The following ACAP2 variants were observed in gnomAD, a reference collection of about 807,000 sequenced individuals.
ACAP2 encodes arf-GAP with coiled-coil, ANK repeat and PH domain-containing protein 2.
ACAP2 carries 39 observed loss-of-function variants against 115.8 expected under a neutral mutation model. The ratio of observed to expected loss-of-function variants is 0.34; its 90% CI spans 0.26 to 0.44. The LOEUF is 0.44. ACAP2 is among the 20% of genes least tolerant of loss of function. ACAP2 has a pLI of 1.00. For synonymous variants in ACAP2, 289 were observed against 315.8 expected (o/e 0.92, Z 0.90); for missense variants, 662 against 927.6 (o/e 0.71, Z 3.72).
At chr3:195,411,823 T>G (rs1351751270) in intron 1 of ACAP2, among the ~76,000 whole-genome samples, 7 of 151,358 alleles carry the variant, frequency 4.6e-5, no homozygotes, top group Non-Finnish European at 7.4e-5. Flanking sequence ...GGCAGGAAGA[T>G]CTCTTGAAGG....
intron 4 of ACAP2, among the ~76,000 whole-genome samples, chr3:195,358,089 G>C (rs62287119): frequency 6.6e-6 from 1 of 151,964 alleles, no homozygotes; most frequent in Non-Finnish European, 1.5e-5. Context: ...TTTGGGTGGG[G>C]ACACAAAGCC....
chr3:195,343,823 AAT>A (rs1731026983), intron 5 of ACAP2, among the ~76,000 whole-genome samples: 1 of 152,226 alleles, frequency 6.6e-6, no homozygotes, highest in African/African-American at 2.4e-5. Context: ...TAAAAACCAT[AAT>A]AAAGTATATG....
chr3:195,408,407 T>C (rs537827464), intron 1 of ACAP2, among the ~76,000 whole-genome samples: 1 of 152,072 alleles, frequency 6.6e-6, no homozygotes, highest in Non-Finnish European at 1.5e-5. Context: ...GAAGTTGCAG[T>C]GAGTAGAGAT....
At chr3:195,423,397 C>T (rs1714344729) in intron 1 of ACAP2, among the ~76,000 whole-genome samples, 1 of 152,024 alleles carries the variant, frequency 6.6e-6, no homozygotes, top group African/African-American at 2.4e-5. Context: ...CCGAGGCAGG[C>T]GGATCATCTA....
At chr3:195,373,210 G>C (rs1733294288) in intron 4 of ACAP2, among the ~76,000 whole-genome samples, 1 of 151,728 alleles carries the variant, frequency 6.6e-6, no homozygotes, top group Admixed American at 6.6e-5. Context: ...AGGATTGCTT[G>C]AGCCCAGAAG....
rs767365534 is a variant in ACAP2, at chr3:195,289,266, G to A, written c.2064-35C>T. 3.6e-5 allele frequency: 52 copies of A among 1,458,848 alleles called. 1 individual carries two copies. The highest frequency in any genetic ancestry group is 7.6e-5 in the South Asian group (6 of 79,018). 90.4% of individuals were successfully genotyped at this position (1,458,848 alleles called of 1,614,324 possible). A position where few individuals can be genotyped will look rare whatever the true frequency, so the allele number is the denominator to read the frequency against. On this transcript the variant is annotated intron_variant, in intron 20 of 22. Transcript: ENST00000326793. Reference sequence around the variant, plus strand: ...AACACAGCATTTTTGAGATATTGTCGATAAGAAAAAAAAATTAGTATTCAC... The same window carrying A: ...AACACAGCATTTTTGAGATATTGTCAATAAGAAAAAAAAATTAGTATTCAC...
intron 18 of ACAP2, 76 bp downstream of exon 18, chr3:195,294,643 A>T (rs991570102): frequency 1.0e-5 from 4 of 388,576 alleles, no homozygotes; most frequent in Admixed American, 7.4e-5. Context: ...TTTTTTTTTT[A>T]ATCAAAGGTA....
intron 1 of ACAP2, among the ~76,000 whole-genome samples, chr3:195,422,798 A>G (rs1470173057): frequency 1.3e-5 from 2 of 152,186 alleles, no homozygotes; most frequent in South Asian, 4.1e-4. Flanking sequence ...AACATGACAT[A>G]AAATATCTTG....
At chr3:195,339,170 G>A (rs889463732) in intron 6 of ACAP2, among the ~76,000 whole-genome samples, 8 of 152,144 alleles carry the variant, frequency 5.3e-5, no homozygotes, top group Non-Finnish European at 8.8e-5. Context: ...GGCGGAGGTT[G>A]CAGTGAGCTG....
At chr3:195,281,309 G>T (rs1191311563) in intron 22 of ACAP2, among the ~76,000 whole-genome samples, 1 of 152,072 alleles carries the variant, frequency 6.6e-6, no homozygotes, top group Non-Finnish European at 1.5e-5. Context: ...GGAGGCCAAG[G>T]CATGAGAATG....
chr3:195,390,421 T>C, intron 2 of ACAP2, among the ~76,000 whole-genome samples: 1 of 152,296 alleles, frequency 6.6e-6, no homozygotes, highest in Middle Eastern at 3.4e-3. Context: ...ATAACTTATC[T>C]CTAAACATCT....
intron 10 of ACAP2, among the ~76,000 whole-genome samples, chr3:195,315,147 C>A (rs1402286891): frequency 6.6e-6 from 1 of 152,198 alleles, no homozygotes; most frequent in Non-Finnish European, 1.5e-5. Flanking sequence ...ACCTGAGTAG[C>A]TGGGGCTACA....
rs574353519 is a variant in ACAP2 at position 195,378,230 on chromosome 3, C to G, written c.285+2779G>C. On this transcript the variant is annotated intron_variant, in intron 4 of 22. Transcript: ENST00000326793. The stretch of plus-strand genomic sequence containing the variant: ...AATCTCAGCTGGGTGCAGTGGCTGA[C>G]GCCTGTAATCCCAGCACTTTGGGAG... 1.8e-3 allele frequency among the ~76,000 whole-genome samples: 267 copies of G among 152,272 alleles called. 1 individual carries two copies. The highest frequency in any genetic ancestry group is 5.0e-3 in the African/African-American group (208 of 41,564).
chr3:195,309,589 A>C (rs1728631845), intron 10 of ACAP2, among the ~76,000 whole-genome samples: 1 of 152,148 alleles, frequency 6.6e-6, no homozygotes, highest in South Asian at 2.1e-4. Context: ...AAAAACATTG[A>C]AATAAATTGT....
chr3:195,311,217 C>T (rs561954267), intron 10 of ACAP2, among the ~76,000 whole-genome samples: 1 of 151,682 alleles, frequency 6.6e-6, no homozygotes, highest in Non-Finnish European at 1.5e-5. Flanking sequence ...GTACCTTAAC[C>T]TCCCAAGTGG....
chr3:195,306,780 T>C (rs1462255059), intron 12 of ACAP2, 164 bp from the exon 13 acceptor site: 2 of 495,122 alleles, frequency 4.0e-6, no homozygotes, highest in Non-Finnish European at 3.5e-6. Flanking sequence ...GGGCAAAGTA[T>C]GTTAACGAAG....
intron 4 of ACAP2, among the ~76,000 whole-genome samples, chr3:195,361,071 G>A (rs1257772582): frequency 1.3e-5 from 2 of 151,426 alleles, no homozygotes; most frequent in African/African-American, 4.9e-5. Context: ...GAGGAATTTT[G>A]GAAACTATAT....
chr3:195,425,072 AG>A (rs1290151913), intron 1 of ACAP2, among the ~76,000 whole-genome samples: 1 of 143,602 alleles, frequency 7.0e-6, no homozygotes, highest in East Asian at 2.6e-4. Flanking sequence ...TTGAGGTAGC[AG>A]GATATCAAAC....
chr3:195,431,381 G>A (rs1392127695), intron 1 of ACAP2, among the ~76,000 whole-genome samples: 1 of 151,966 alleles, frequency 6.6e-6, no homozygotes, highest in African/African-American at 2.4e-5. Context: ...TTTCTCTTGG[G>A]TATACACCTA....
Sources: gnomAD v4.1 joint callset for allele counts (sites outside exome capture counted in the v4.1 genomes callset) on GRCh38, gnomAD v4.1.1 for gene constraint, MANE v1.5 for transcripts, NCBI Gene and HGNC (gene_info 2026-07-23, HGNC 2026-07-21) for gene names.